CLNS1A: variants seen among roughly 807,000 people sequenced by gnomAD.
The protein encoded by CLNS1A is methylosome subunit pICln.
In CLNS1A, 16 loss-of-function variants were observed where a neutral mutation model predicts 29.4. That is an observed-to-expected ratio of 0.54 (90% CI 0.37 to 0.83). The LOEUF is 0.83. Among genes scored for constraint, CLNS1A ranks in the 40% least tolerant of loss-of-function variants. CLNS1A has a pLI of 0.00. For synonymous variants in CLNS1A, 96 were observed against 104.8 expected, an observed-to-expected ratio of 0.92 and a Z score of 0.51; for missense variants, 235 against 287.4, an observed-to-expected ratio of 0.82 and a Z score of 1.32.
chr11:77,617,518 G>A (rs1427853741), intron 6 of CLNS1A, among the ~76,000 whole-genome samples: 2 of 151,408 alleles, frequency 1.3e-5, no homozygotes, highest in Non-Finnish European at 2.9e-5. Context: ...ACCAGCCTAG[G>A]CAACAGAGCG....
rs113253982 is a variant in CLNS1A at position 77,622,979 on chromosome 11, AG to A, written c.473-307del. Reference sequence around the variant, plus strand: ...AAAAAAAAAAAAAAGAATCTGCTGAAGATAATATACTGTCCAAATAGGCTTC... The same window carrying A: ...AAAAAAAAAAAAAAGAATCTGCTGAAATAATATACTGTCCAAATAGGCTTC... On this transcript the variant is annotated intron_variant, in intron 4 of 6. Transcript: ENST00000525428. Among the ~76,000 whole-genome samples, 684 of 151,950 alleles carry A rather than the reference AG, an allele frequency of 4.5e-3. 11 individuals carry two copies. The highest frequency in any genetic ancestry group is 0.015 in the African/African-American group (607 of 41,460).
intron 1 of CLNS1A, among the ~76,000 whole-genome samples, chr11:77,634,530 C>T (rs1959104300): frequency 6.6e-6 from 1 of 151,978 alleles, no homozygotes; most frequent in Non-Finnish European, 1.5e-5. Flanking sequence ...TTGAGACCAG[C>T]CTGGCCAACA....
Position 77,624,999 on chromosome 11 carries a change from C to T in CLNS1A, c.436G>A (p.Asp146Asn), listed in dbSNP as rs1959001628. The change falls in exon 4 of 7, where the codon GAC (aspartate) becomes AAC (asparagine). Residue 146 changes from aspartate (D) to asparagine (N), a missense_variant. By Grantham distance (23) the Asp-to-Asn change is conservative. Transcript: ENST00000525428. ...ACATCATATTCTTCTCCATCGTAGT[C>T]ATCTGAATCCTCATCCTCAGGATCT... Reference protein sequence around the residue: ...HPDPEDEDSDDYDGEEYDVEA... With the variant: ...HPDPEDEDSDNYDGEEYDVEA... 6.2e-7 allele frequency: 1 copy of T among 1,613,776 alleles called. No homozygotes were observed. Among genetic ancestry groups the T allele is most frequent in the East Asian group, 2.2e-5 (1 of 44,878 alleles).
Position 77,619,648 on chromosome 11 carries a change from C to T in CLNS1A, c.694G>A (p.Asp232Asn). ...TTPTVAGQFE[D>N]ADVDH ...CATTTTCAGTGATCAACATCTGCAT[C>T]CTCAAACTGTCCAGCAACTGTTGGT... is the stretch of plus-strand genomic sequence containing the variant. The change falls in exon 6 of 7, where the codon GAT (aspartate) becomes AAT (asparagine). Residue 232 changes from aspartate to asparagine, a missense_variant. By Grantham distance (23) the Asp-to-Asn change is conservative. Transcript: ENST00000525428. 1 of 1,613,886 alleles carries T rather than the reference C, an allele frequency of 6.2e-7. No individual in the cohort carries two copies. Among genetic ancestry groups the T allele is most frequent in the Non-Finnish European group, 8.5e-7 (1 of 1,179,794 alleles).
At chr11:77,629,674 G>GT (rs1959055308) in intron 2 of CLNS1A, 89 bp downstream of exon 2, 1 of 1,310,272 alleles carries the variant, frequency 7.6e-7, no homozygotes, top group Admixed American at 2.0e-5. Context: ...GATTACAGGC[G>GT]TGAGCCACCG....
intron 1 of CLNS1A, among the ~76,000 whole-genome samples, chr11:77,632,387 T>C (rs1959083519): frequency 6.6e-6 from 1 of 152,184 alleles, no homozygotes; most frequent in Admixed American, 6.6e-5. Context: ...AATGACGACA[T>C]GGAAAAACTG....
chr11:77,614,792 C>T lies in CLNS1A; in HGVS notation c.*1926G>A, dbSNP rs1250957195. On this transcript the variant is annotated 3_prime_UTR_variant, in exon 7 of 7. Coordinates refer to ENST00000525428, the MANE Select transcript of CLNS1A (RefSeq NM_001293.3). ...TTAAAGTGTCTCTACATCAGGAACA[C>T]ACAAAGAAAACAATTCCAGCAACCC... 1 of 152,140 alleles carries T rather than the reference C, an allele frequency of 6.6e-6. No homozygotes were observed. Among genetic ancestry groups the T allele is most frequent in the African/African-American group, 2.4e-5 (1 of 41,438 alleles). 9.4% of individuals were successfully genotyped at this position (152,140 alleles called of 1,614,324 possible). A position where few individuals can be genotyped will look rare whatever the true frequency, so the allele number is the denominator to read the frequency against.
intron 6 of CLNS1A, among the ~76,000 whole-genome samples, chr11:77,617,912 C>A: frequency 6.8e-6 from 1 of 147,176 alleles, no homozygotes. Context: ...AGCGAGATTC[C>A]ATCTCAAAAA....
intron 5 of CLNS1A, chr11:77,621,980 C>A: frequency 2.2e-6 from 1 of 456,226 alleles, no homozygotes; most frequent in Non-Finnish European, 4.4e-6. Context: ...TTGGACTTGC[C>A]AGCCTTCAGT....
intron 1 of CLNS1A, among the ~76,000 whole-genome samples, chr11:77,637,242 T>TCAAAAAAAA (rs1959136276): frequency 1.3e-4 from 1 of 7,864 alleles, no homozygotes; most frequent in African/African-American, 1.5e-3. Flanking sequence ...AATAGGCGAG[T>TCAAAAAAAA]TAAAAAAAAA....
rs202191382 is a variant in CLNS1A at position 77,634,101 on chromosome 11, CA to C, written c.125+3488del. Reference sequence around the variant, plus strand: ...GGGCAACAAGAGTGAAACTTCATCTCAAAAAAAAAAAAAAATTCAACTTCCT... The same window carrying C: ...GGGCAACAAGAGTGAAACTTCATCTCAAAAAAAAAAAAAATTCAACTTCCT... On this transcript the variant is annotated intron_variant, in intron 1 of 6. Coordinates refer to ENST00000525428, the MANE Select transcript of CLNS1A (RefSeq NM_001293.3). Among the ~76,000 whole-genome samples, 1,194 of 122,586 alleles carry C rather than the reference CA, an allele frequency of 9.7e-3. 9 individuals carry two copies. The highest frequency in any genetic ancestry group is 0.028 in the African/African-American group (920 of 33,376). The allele number at this position is 122,586 out of a possible 152,430, so 80.4% of individuals were successfully genotyped here.
At chr11:77,623,405 C>T (rs964418068) in intron 4 of CLNS1A, among the ~76,000 whole-genome samples, 3 of 151,870 alleles carry the variant, frequency 2.0e-5, no homozygotes, top group East Asian at 1.9e-4. Context: ...GCCTGGACAA[C>T]ATAGTAAGAC....
intron 2 of CLNS1A, among the ~76,000 whole-genome samples, chr11:77,627,141 A>T (rs755464732): frequency 6.6e-6 from 1 of 151,766 alleles, no homozygotes; most frequent in Non-Finnish European, 1.5e-5. Context: ...TTAAGATAAA[A>T]AGAACTAAAG....
chr11:77,631,682 T>C (rs1318114837), intron 1 of CLNS1A, among the ~76,000 whole-genome samples: 1 of 151,628 alleles, frequency 6.6e-6, no homozygotes, highest in Admixed American at 6.6e-5. Flanking sequence ...AAGATTTCTA[T>C]CCAACATTCT....
chr11:77,625,702 C>T lies in CLNS1A; in HGVS notation c.364+15G>A. On this transcript the variant is annotated intron_variant, in intron 3 of 6. Transcript: ENST00000525428. Reference sequence around the variant, plus strand: ...GTATGTAAAAGGGGAAGAATCAATACTGTAGAACACTCACACGCTGATTTA... The same window carrying T: ...GTATGTAAAAGGGGAAGAATCAATATTGTAGAACACTCACACGCTGATTTA... The T allele has an allele frequency of 1.2e-6, 2 of 1,603,174 alleles. No homozygotes were observed. Among genetic ancestry groups the T allele is most frequent in the Non-Finnish European group, 1.7e-6 (2 of 1,174,848 alleles).
chr11:77,623,814 A>G (rs746400279), intron 4 of CLNS1A, among the ~76,000 whole-genome samples: 3 of 152,216 alleles, frequency 2.0e-5, no homozygotes, highest in Non-Finnish European at 1.5e-5. Context: ...AAAAGAAAAG[A>G]GAACAGCAGG....
chr11:77,625,643 GTGTA>G, intron 3 of CLNS1A, 70 bp downstream of exon 3: 7 of 1,206,096 alleles, frequency 5.8e-6, no homozygotes, highest in Middle Eastern at 2.6e-4. Flanking sequence ...GTGTGTGTGT[GTGTA>G]TGTGTGTGTG....
At chr11:77,632,318 C>A (rs947735069) in intron 1 of CLNS1A, among the ~76,000 whole-genome samples, 1 of 152,182 alleles carries the variant, frequency 6.6e-6, no homozygotes, top group Non-Finnish European at 1.5e-5. Flanking sequence ...AAGAAACATT[C>A]CAAATTTGGG....
rs143864010 is a variant in CLNS1A at position 77,624,965 on chromosome 11, T to C, written c.470A>G (p.His157Arg). ...ACTTTAAAATCCATTTCACTAACCA[T>C]GTGCTTCCACATCATATTCTTCTCC... is the stretch of plus-strand genomic sequence containing the variant. The part of the protein sequence containing the change: ...YDGEEYDVEA[H>R]EQGQGDIPTF... Residue 157 changes from histidine (H) to arginine (R), a missense_variant and splice_region_variant, in exon 4 of 7, where the codon CAT becomes CGT. His to Arg is a conservative substitution (Grantham distance 29, BLOSUM62 0). Coordinates refer to ENST00000525428, the MANE Select transcript of CLNS1A (RefSeq NM_001293.3). 265 of 1,597,278 alleles carry C rather than the reference T, an allele frequency of 1.7e-4. No individual in the cohort carries two copies. The African/African-American group carries it at 3.3e-3, about 20-fold the overall frequency.
Sources: allele counts gnomAD v4.1 joint callset (sites outside exome capture counted in the v4.1 genomes callset), GRCh38; gene constraint gnomAD v4.1.1; transcripts MANE v1.5; gene names NCBI Gene and HGNC (gene_info 2026-07-23, HGNC 2026-07-21).